Variants in PDE4D observed in about 807,000 individuals in gnomAD.
PDE4D encodes phosphodiesterase 4D, also known as 3',5'-cyclic-AMP phosphodiesterase 4D.
Under a neutral mutation model 87.4 loss-of-function variants are expected in PDE4D, and 24 were observed. The observed-to-expected ratio is 0.27, with a 90% CI of 0.20 to 0.39. The LOEUF (loss-of-function observed/expected upper bound fraction) is 0.39. Among genes scored for constraint, PDE4D ranks in the 10% least tolerant of loss-of-function variants. The pLI, the probability that PDE4D is intolerant of heterozygous loss-of-function variation, is 1.00. For missense variants in PDE4D, 714 were observed against 1,041.0 expected, an observed-to-expected ratio of 0.69 and a Z score of 4.32; for synonymous variants, 384 against 383.2, an observed-to-expected ratio of 1.00 and a Z score of -0.02.
chr5:59,248,465 G>A (rs541827551), intron 1 of PDE4D, among the ~76,000 whole-genome samples: 10 of 151,766 alleles, frequency 6.6e-5, no homozygotes, highest in African/African-American at 1.4e-4. Flanking sequence ...GGCTCATTGC[G>A]GATTCCAATC....
intron 5 of PDE4D, among the ~76,000 whole-genome samples, chr5:59,135,016 A>C (rs1376535700): frequency 1.3e-5 from 2 of 152,156 alleles, no homozygotes; most frequent in Non-Finnish European, 2.9e-5. Context: ...ATTGGGTTGC[A>C]ATGAGTTACA....
chr5:59,973,495 C>G (rs1378528744), intron 3 of PDE4D, among the ~76,000 whole-genome samples: 5 of 31,788 alleles, frequency 1.6e-4, no homozygotes, highest in Non-Finnish European at 2.8e-4. Flanking sequence ...TATACATTTT[C>G]ACTGTCATTC....
At chr5:59,151,690 C>G (rs938875560) in intron 5 of PDE4D, among the ~76,000 whole-genome samples, 1 of 152,046 alleles carries the variant, frequency 6.6e-6, no homozygotes, top group Non-Finnish European at 1.5e-5. Context: ...AGCTGGGCAC[C>G]ACTTCTACCT....
chr5:59,781,299 T>A (rs977744306), intron 1 of PDE4D, among the ~76,000 whole-genome samples: 3 of 152,016 alleles, frequency 2.0e-5, no homozygotes, highest in Admixed American at 6.6e-5. Context: ...TACTTAGTGG[T>A]TAAGTAAGAC....
chr5:59,689,655 T>C (rs1193727477), intron 1 of PDE4D, among the ~76,000 whole-genome samples: 2 of 152,176 alleles, frequency 1.3e-5, no homozygotes, highest in African/African-American at 4.8e-5. Context: ...CTTTGAAACC[T>C]GGCACAAGAC....
At chr5:59,150,895 T>A (rs895184060) in intron 5 of PDE4D, among the ~76,000 whole-genome samples, 2 of 152,090 alleles carry the variant, frequency 1.3e-5, no homozygotes, top group African/African-American at 2.4e-5. Context: ...ATGTACAAAC[T>A]CAGGCAATGA....
At chr5:59,591,362 C>A (rs1285352813) in intron 1 of PDE4D, among the ~76,000 whole-genome samples, 1 of 152,060 alleles carries the variant, frequency 6.6e-6, no homozygotes, top group African/African-American at 2.4e-5. Context: ...AAGTCACACC[C>A]TAGTTCCTGA....
chr5:59,775,108 G>C (rs1479063542), intron 1 of PDE4D, among the ~76,000 whole-genome samples: 1 of 151,902 alleles, frequency 6.6e-6, no homozygotes, highest in Non-Finnish European at 1.5e-5. Flanking sequence ...AAATTCTAAG[G>C]GAAATTACTT....
At chr5:59,983,053 A>G (rs886126317) in intron 3 of PDE4D, among the ~76,000 whole-genome samples, 2 of 152,138 alleles carry the variant, frequency 1.3e-5, no homozygotes, top group Non-Finnish European at 2.9e-5. Flanking sequence ...GGAGTGGTTA[A>G]GTACCTTCAC....
chr5:60,515,862 C>G (rs1750782206), intron 1 of PDE4D, among the ~76,000 whole-genome samples: 1 of 152,124 alleles, frequency 6.6e-6, no homozygotes, highest in South Asian at 2.1e-4. Flanking sequence ...ATAGGTTGAA[C>G]ATTGTTTCAT....
At chr5:60,330,337 T>G (rs941786464) in intron 1 of PDE4D, among the ~76,000 whole-genome samples, 10 of 152,152 alleles carry the variant, frequency 6.6e-5, no homozygotes, top group Non-Finnish European at 5.9e-5. Context: ...GAGCCTACAG[T>G]TTAGCAAGGA....
intron 1 of PDE4D, among the ~76,000 whole-genome samples, chr5:60,320,279 G>C (rs1033006440): frequency 6.6e-6 from 1 of 152,240 alleles, no homozygotes; most frequent in Non-Finnish European, 1.5e-5. Flanking sequence ...GACCCTCTGA[G>C]CCATGCACGG....
chr5:59,299,170 G>T (rs1769683692), intron 1 of PDE4D, among the ~76,000 whole-genome samples: 1 of 152,160 alleles, frequency 6.6e-6, no homozygotes, highest in South Asian at 2.1e-4. Context: ...CTTGGCAAGG[G>T]CTATTTTCTG....
intron 1 of PDE4D, among the ~76,000 whole-genome samples, chr5:60,274,339 C>T (rs1751137379): frequency 6.7e-6 from 1 of 150,166 alleles, no homozygotes; most frequent in Non-Finnish European, 1.5e-5. Context: ...TGGTTCTTGT[C>T]GTTGTTGTTG....
At chr5:59,032,592 T>C (rs752283551) in intron 6 of PDE4D, among the ~76,000 whole-genome samples, 13 of 152,132 alleles carry the variant, frequency 8.5e-5, no homozygotes, top group Non-Finnish European at 1.5e-4. Flanking sequence ...ATGACAAAGT[T>C]TGAGCAACAT....
chr5:59,051,774 TCCTATA>T (rs910742699), intron 5 of PDE4D, among the ~76,000 whole-genome samples: 1 of 152,256 alleles, frequency 6.6e-6, no homozygotes, highest in African/African-American at 2.4e-5. Flanking sequence ...GAATAGGTTT[TCCTATA>T]CCTATACCTA....
intron 2 of PDE4D, among the ~76,000 whole-genome samples, chr5:60,108,641 G>A (rs2149351594): frequency 6.6e-6 from 1 of 152,094 alleles, no homozygotes; most frequent in East Asian, 1.9e-4. Context: ...AAAACAGCAT[G>A]GTACTGGTAC....
intron 1 of PDE4D, among the ~76,000 whole-genome samples, chr5:59,613,622 G>A (rs559814898): frequency 3.8e-4 from 58 of 152,266 alleles, no homozygotes; most frequent in African/African-American, 1.3e-3. Context: ...AAAGCCAGGG[G>A]AATGAGATGC....
At chr5:60,459,606 G>A (rs565502454) in intron 1 of PDE4D, among the ~76,000 whole-genome samples, 54 of 152,138 alleles carry the variant, frequency 3.5e-4, no homozygotes, top group Middle Eastern at 6.8e-3. Flanking sequence ...CACAGAGCTC[G>A]GTGGTGTTGA....
Sources: allele counts gnomAD v4.1 joint callset (sites outside exome capture counted in the v4.1 genomes callset), GRCh38; gene constraint gnomAD v4.1.1; transcripts MANE v1.5; gene names NCBI Gene and HGNC (gene_info 2026-07-23, HGNC 2026-07-21).